FBXW7: variants seen among roughly 807,000 people sequenced by gnomAD.
FBXW7 encodes F-box/WD repeat-containing protein 7.
Under a neutral mutation model 86.3 loss-of-function variants are expected in FBXW7, and 11 were observed. The ratio of observed to expected loss-of-function variants is 0.13; its 90% CI spans 0.08 to 0.21. The LOEUF (loss-of-function observed/expected upper bound fraction) is 0.21, where lower values mean the gene tolerates loss of function less well. Among genes scored for constraint, FBXW7 ranks in the 10% least tolerant of loss-of-function variants. The pLI, the probability that FBXW7 is intolerant of heterozygous loss-of-function variation, is 1.00. For missense variants in FBXW7, 488 were observed against 847.4 expected (o/e 0.58, Z 5.27); for synonymous variants, 313 against 297.9 (o/e 1.05, Z -0.52).
At chr4:152,388,481 T>C (rs1735738542) in intron 4 of FBXW7, among the ~76,000 whole-genome samples, 1 of 152,222 alleles carries the variant, frequency 6.6e-6, no homozygotes, top group South Asian at 2.1e-4. Flanking sequence ...TGCTCTGATT[T>C]ATGGAATCAA....
Position 152,324,270 on chromosome 4 carries a change from T to C in FBXW7, c.1769A>G (p.Lys590Arg), listed in dbSNP as rs1290448722. Residue 590 changes from lysine (K) to arginine (R), a missense_variant, in exon 13 of 14, where the codon AAA becomes AGA. Lys to Arg is a conservative substitution (Grantham distance 26, BLOSUM62 2). Coordinates refer to ENST00000281708, the MANE Select transcript of FBXW7 (RefSeq NM_001349798.2). ...ATTCCCAGAGACAAGAATATTGTCT[T>C]TGAGTTCCATTCCACTTGTTAACGA... Reference protein sequence around the residue: ...HQSLTSGMELKDNILVSGNAD... With the variant: ...HQSLTSGMELRDNILVSGNAD... The C allele has an allele frequency of 1.2e-6, 2 of 1,612,968 alleles. No individual in the cohort carries two copies. Among genetic ancestry groups the C allele is most frequent in the East Asian group, 2.2e-5 (1 of 44,806 alleles).
intron 2 of FBXW7, among the ~76,000 whole-genome samples, chr4:152,496,969 G>A (rs1196813372): frequency 6.6e-6 from 1 of 152,164 alleles, no homozygotes; most frequent in Admixed American, 6.5e-5. Context: ...CTATGATACA[G>A]AAGAGAGATT....
chr4:152,438,574 C>G (rs1004982719), intron 2 of FBXW7, among the ~76,000 whole-genome samples: 5 of 152,118 alleles, frequency 3.3e-5, no homozygotes, highest in Non-Finnish European at 7.4e-5. Flanking sequence ...ACTCAGGAGG[C>G]TGAGGAACGA....
At chr4:152,452,588 C>G (rs1297930569) in intron 2 of FBXW7, among the ~76,000 whole-genome samples, 2 of 151,970 alleles carry the variant, frequency 1.3e-5, no homozygotes, top group African/African-American at 4.8e-5. Context: ...ACAGCAGTCC[C>G]TGGAGCAAAA....
chr4:152,332,192 A>G (rs1477366109), intron 8 of FBXW7, among the ~76,000 whole-genome samples: 2 of 152,170 alleles, frequency 1.3e-5, no homozygotes, highest in Non-Finnish European at 2.9e-5. Context: ...AAGCTCCATG[A>G]CAAAAGAGAA....
At chr4:152,445,910 TAAAAAAAAAAAAAAAA>T (rs11457603) in intron 2 of FBXW7, among the ~76,000 whole-genome samples, 75 of 100,666 alleles carry the variant, frequency 7.5e-4, no homozygotes, top group East Asian at 1.7e-3. Context: ...ACTCTGTCTT[TAAAAAAAAAAAAAAAA>T]AAAAAAAAAA....
intron 2 of FBXW7, among the ~76,000 whole-genome samples, chr4:152,494,893 T>C (rs1276075168): frequency 6.6e-6 from 1 of 152,178 alleles, no homozygotes; most frequent in Non-Finnish European, 1.5e-5. Flanking sequence ...ATACTACTAA[T>C]ATTGATGAAG....
intron 4 of FBXW7, among the ~76,000 whole-genome samples, chr4:152,354,771 TTGTA>T (rs1732208427): frequency 1.3e-5 from 2 of 152,076 alleles, no homozygotes; most frequent in African/African-American, 4.8e-5. Flanking sequence ...CAAATATTGT[TTGTA>T]TGTGGGTACT....
intron 4 of FBXW7, among the ~76,000 whole-genome samples, chr4:152,375,749 G>A (rs1314207295): frequency 1.3e-5 from 2 of 151,976 alleles, no homozygotes; most frequent in Admixed American, 6.6e-5. Context: ...ATAATGTCTT[G>A]TAACATTAGA....
At chr4:152,390,927 T>G (rs1343425662) in intron 4 of FBXW7, among the ~76,000 whole-genome samples, 1 of 151,918 alleles carries the variant, frequency 6.6e-6, no homozygotes, top group Non-Finnish European at 1.5e-5. Flanking sequence ...GTTTGACAAA[T>G]TATAAAAATT....
intron 2 of FBXW7, chr4:152,530,806 C>T (rs902841012): frequency 1.3e-5 from 2 of 152,318 alleles, no homozygotes; most frequent in South Asian, 4.1e-4. Flanking sequence ...AATTGGAGCA[C>T]GGCAACATTC....
At chr4:152,505,474 T>C (rs192484662) in intron 2 of FBXW7, among the ~76,000 whole-genome samples, 1 of 152,302 alleles carries the variant, frequency 6.6e-6, no homozygotes, top group East Asian at 1.9e-4. Flanking sequence ...ATAAAAATAT[T>C]TTCTTTCCTT....
chr4:152,344,752 T>G (rs1288150396), intron 6 of FBXW7, among the ~76,000 whole-genome samples: 2 of 151,870 alleles, frequency 1.3e-5, no homozygotes, highest in Admixed American at 6.6e-5. Flanking sequence ...TACTACAGAG[T>G]CCCTTTAAAA....
intron 2 of FBXW7, among the ~76,000 whole-genome samples, chr4:152,453,473 T>C (rs1431808377): frequency 2.6e-5 from 4 of 152,148 alleles, no homozygotes; most frequent in African/African-American, 9.7e-5. Context: ...CCACATGCTA[T>C]GCAGGTATGG....
intron 2 of FBXW7, among the ~76,000 whole-genome samples, chr4:152,498,030 T>A (rs971434699): frequency 2.0e-5 from 3 of 152,164 alleles, no homozygotes; most frequent in African/African-American, 7.2e-5. Context: ...GGATAATGAG[T>A]ACCTCCAAAG....
At chr4:152,500,496 C>CAAAAAA (rs34375454) in intron 2 of FBXW7, among the ~76,000 whole-genome samples, 7 of 73,080 alleles carry the variant, frequency 9.6e-5, no homozygotes, top group African/African-American at 1.4e-4. Context: ...GCTTTGTCAG[C>CAAAAAA]AAAAAAAAAA....
intron 4 of FBXW7, among the ~76,000 whole-genome samples, chr4:152,407,598 T>A (rs570134015): frequency 9.9e-5 from 15 of 152,212 alleles, no homozygotes; most frequent in Non-Finnish European, 1.8e-4. Context: ...GGTTGGAGAA[T>A]GGCGGACCAG....
chr4:152,495,262 G>A (rs766344253), intron 2 of FBXW7, among the ~76,000 whole-genome samples: 26 of 152,002 alleles, frequency 1.7e-4, no homozygotes, highest in East Asian at 3.9e-4. Flanking sequence ...GTGAAACCCC[G>A]TCTCTACTAA....
At chr4:152,534,385 T>C (rs1750285537) in intron 2 of FBXW7, among the ~76,000 whole-genome samples, 1 of 152,202 alleles carries the variant, frequency 6.6e-6, no homozygotes, top group Non-Finnish European at 1.5e-5. Context: ...TGACATCTGT[T>C]ACAGTGTCCT....
Sources: allele counts gnomAD v4.1 joint callset (sites outside exome capture counted in the v4.1 genomes callset), GRCh38; gene constraint gnomAD v4.1.1; transcripts MANE v1.5; gene names NCBI Gene and HGNC (gene_info 2026-07-23, HGNC 2026-07-21).